GPBP1: variants seen among roughly 807,000 people sequenced by gnomAD.
GPBP1 encodes the protein GC-rich promoter binding protein 1, also known as vasculin.
In GPBP1, 13 loss-of-function variants were observed where a neutral mutation model predicts 56.5. The ratio of observed to expected loss-of-function variants is 0.23; its 90% CI spans 0.15 to 0.37. GPBP1 has a LOEUF of 0.37. Among genes scored for constraint, GPBP1 ranks in the 10% least tolerant of loss-of-function variants. The probability of loss-of-function intolerance (pLI) is 1.00; values close to 1 mark genes in which losing one functional copy is unlikely to be tolerated. For synonymous variants in GPBP1, 204 were observed against 188.9 expected (o/e 1.08, Z -0.66); for missense variants, 477 against 572.3 (o/e 0.83, Z 1.70).
chr5:57,187,000 AGAAGTGT>A (rs1238248456), intron 2 of GPBP1, among the ~76,000 whole-genome samples: 17 of 134,980 alleles, frequency 1.3e-4, no homozygotes, highest in Non-Finnish European at 2.4e-4. Flanking sequence ...CTGGACTCAG[AGAAGTGT>A]GTGTGTGTGT....
At chr5:57,210,743 G>A (rs575796828) in intron 2 of GPBP1, among the ~76,000 whole-genome samples, 201 of 152,268 alleles carry the variant, frequency 1.3e-3, no homozygotes, top group Non-Finnish European at 2.2e-3. Context: ...TAAGTTCAGG[G>A]TAGAGGCATC....
At chr5:57,211,897 A>G (rs1167866410) in intron 2 of GPBP1, among the ~76,000 whole-genome samples, 1 of 151,654 alleles carries the variant, frequency 6.6e-6, no homozygotes, top group Non-Finnish European at 1.5e-5. Context: ...ACCATTTTGT[A>G]TGATATGCCT....
chr5:57,217,259 A>G (rs1185931448), intron 3 of GPBP1, among the ~76,000 whole-genome samples: 3 of 152,008 alleles, frequency 2.0e-5, no homozygotes, highest in Non-Finnish European at 4.4e-5. Context: ...TCCCTCCAGC[A>G]TGATCTAGTG....
At chr5:57,228,805 GAA>G (rs59587632) in intron 3 of GPBP1, among the ~76,000 whole-genome samples, 4 of 142,654 alleles carry the variant, frequency 2.8e-5, no homozygotes, top group African/African-American at 5.1e-5. Flanking sequence ...ATGCAAGACT[GAA>G]AAAAAAAAAC....
chr5:57,179,216 C>T (rs1218681302), intron 2 of GPBP1, among the ~76,000 whole-genome samples: 1 of 152,070 alleles, frequency 6.6e-6, no homozygotes, highest in Non-Finnish European at 1.5e-5. Flanking sequence ...ATATTTTTTT[C>T]TTTTCATGTA....
At chr5:57,192,734 C>T (rs1256457206) in intron 2 of GPBP1, among the ~76,000 whole-genome samples, 3 of 121,870 alleles carry the variant, frequency 2.5e-5, no homozygotes, top group South Asian at 2.5e-4. Flanking sequence ...GTCTGGGCAA[C>T]GAGAGCGGAA....
chr5:57,246,228 T>A (rs1306739976), intron 6 of GPBP1, 72 bp from the exon 7 acceptor site: 3 of 1,260,032 alleles, frequency 2.4e-6, no homozygotes, highest in Non-Finnish European at 3.3e-6. Context: ...AATATACTGT[T>A]CTTTTGGTGG....
At chr5:57,180,377 C>T (rs1266730992) in intron 2 of GPBP1, among the ~76,000 whole-genome samples, 1 of 152,158 alleles carries the variant, frequency 6.6e-6, no homozygotes, top group East Asian at 1.9e-4. Flanking sequence ...GCCTCAGCCT[C>T]CCAAAGTGCT....
intron 7 of GPBP1, 26 bp downstream of exon 7, chr5:57,246,510 A>G: frequency 6.4e-7 from 1 of 1,569,030 alleles, no homozygotes; most frequent in Non-Finnish European, 8.7e-7. Flanking sequence ...CCACAAATGT[A>G]AATTTTGAGT....
Position 57,175,957 on chromosome 5 carries a change from C to G in GPBP1, c.-501C>G, listed in dbSNP as rs1336579045. The G allele has an allele frequency of 2.5e-6, 1 of 398,246 alleles. No individual in the cohort carries two copies. Among genetic ancestry groups the G allele is most frequent in the Non-Finnish European group, 4.4e-6 (1 of 225,980 alleles). The allele number at this position is 398,246 out of a possible 1,614,324, so 24.7% of individuals were successfully genotyped here. A position where few individuals can be genotyped will look rare whatever the true frequency, so the allele number is the denominator to read the frequency against. ...GAATACAGAGTTTTTTTCCTTTTAT[C>G]TTTTATTTACGTGGAAATTTAAGAT... On this transcript the variant is annotated 5_prime_UTR_variant, in exon 2 of 12. It adds an upstream start codon to the 5' untranslated region. Transcript: ENST00000506184.
intron 2 of GPBP1, among the ~76,000 whole-genome samples, chr5:57,185,139 A>G (rs1754227485): frequency 6.6e-6 from 1 of 152,146 alleles, no homozygotes; most frequent in African/African-American, 2.4e-5. Context: ...CTCATATGAA[A>G]ATCCCTAGCA....
rs1192247127 is a variant in GPBP1 at position 57,230,847 on chromosome 5, C to T, written c.65C>T (p.Ser22Leu). ...NFPTPPSSTK[S>L]SLNFEKHSEN... Reference sequence around the variant, plus strand: ...CTGTATTTTTATAATTTGTTTCAGTCGTCATTGAATTTTGAGAAGCATTCT... The same window carrying T: ...CTGTATTTTTATAATTTGTTTCAGTTGTCATTGAATTTTGAGAAGCATTCT... The change falls in exon 4 of 12, where the codon TCG (serine) becomes TTG (leucine). Residue 22 changes from serine (S) to leucine (L), a missense_variant and splice_region_variant. By Grantham distance (145) the Ser-to-Leu change is moderately radical (BLOSUM62 -2). Around this residue, in one of 2 missense-constraint regions of GPBP1, gnomAD observed 414 missense variants for 458.2 expected, o/e 0.90. Coordinates refer to ENST00000506184, the MANE Select transcript of GPBP1 (RefSeq NM_022913.4). 8 of 1,601,596 alleles carry T rather than the reference C, an allele frequency of 5.0e-6. No homozygotes were observed. The highest frequency in any genetic ancestry group is 6.8e-6 in the Non-Finnish European group (8 of 1,174,452).
At chr5:57,187,034 GTGTGTA>G (rs933829706) in intron 2 of GPBP1, among the ~76,000 whole-genome samples, 5 of 151,016 alleles carry the variant, frequency 3.3e-5, no homozygotes, top group African/African-American at 2.5e-5. Context: ...GTGTGTGTGT[GTGTGTA>G]TGTATGTTTG....
intron 2 of GPBP1, among the ~76,000 whole-genome samples, chr5:57,212,920 G>A (rs1430378427): frequency 6.6e-6 from 1 of 151,836 alleles, no homozygotes; most frequent in East Asian, 1.9e-4. Context: ...TGATCCACCT[G>A]TCTGCCTCAG....
At chr5:57,185,792 G>C (rs1040967759) in intron 2 of GPBP1, among the ~76,000 whole-genome samples, 4 of 151,944 alleles carry the variant, frequency 2.6e-5, no homozygotes, top group African/African-American at 9.7e-5. Flanking sequence ...TTGAGCCCAG[G>C]AGTTCGAGAC....
chr5:57,235,833 A>G, intron 5 of GPBP1, 133 bp from the exon 6 acceptor site: 1 of 628,354 alleles, frequency 1.6e-6, no homozygotes, highest in South Asian at 2.0e-5. Context: ...GTAGCTTTTC[A>G]GATTAGGGTT....
chr5:57,229,778 A>T (rs1756361417), intron 3 of GPBP1, among the ~76,000 whole-genome samples: 1 of 152,028 alleles, frequency 6.6e-6, no homozygotes, highest in South Asian at 2.1e-4. Context: ...ACCTCAGGTG[A>T]TCTGCCCACC....
chr5:57,231,759 ACT>A (rs1342502202), intron 5 of GPBP1, among the ~76,000 whole-genome samples: 3 of 152,246 alleles, frequency 2.0e-5, no homozygotes, highest in African/African-American at 7.2e-5. Context: ...TATATGAGTG[ACT>A]CTGAGTCAGC....
Position 57,255,572 on chromosome 5 carries a change from T to C in GPBP1, c.1160+4431T>C, listed in dbSNP as rs546721126. On this transcript the variant is annotated intron_variant, in intron 10 of 11. Coordinates refer to ENST00000506184, the MANE Select transcript of GPBP1 (RefSeq NM_022913.4). Reference sequence around the variant, plus strand: ...GATAGTAAAAGATGAATGTTACCTCTTAAGGAGATAGAGCATAGGCAGTAA... The same window carrying C: ...GATAGTAAAAGATGAATGTTACCTCCTAAGGAGATAGAGCATAGGCAGTAA... Among the ~76,000 whole-genome samples the C allele has an allele frequency of 2.5e-4, 38 of 152,360 alleles. No homozygotes were observed. In the South Asian group the frequency reaches 7.9e-3, roughly 32 times the overall value.
Sources: gnomAD v4.1 joint callset for allele counts (sites outside exome capture counted in the v4.1 genomes callset) on GRCh38, gnomAD v4.1.1 for gene constraint, gnomAD v4.1.1 regional missense constraint, MANE v1.5 for transcripts, NCBI Gene and HGNC (gene_info 2026-07-23, HGNC 2026-07-21) for gene names.